The following AGBL1 variants were observed in gnomAD, a reference collection of about 807,000 sequenced individuals.
AGBL1 encodes AGBL carboxypeptidase 1.
AGBL1 carries 130 observed loss-of-function variants against 118.9 expected under a neutral mutation model. The observed-to-expected ratio is 1.09, with a 90% CI of 0.95 to 1.26. The LOEUF is 1.26. Among genes scored for constraint, AGBL1 ranks in the 50% most tolerant of loss-of-function variants. AGBL1 has a pLI of 0.00. For synonymous variants in AGBL1, 555 were observed against 478.9 expected (o/e 1.16, Z -2.08); for missense variants, 1,584 against 1,298.1 (o/e 1.22, Z -3.38).
At chr15:86,559,197 C>A (rs1383535996) in intron 21 of AGBL1, among the ~76,000 whole-genome samples, 2 of 152,128 alleles carry the variant, frequency 1.3e-5, no homozygotes, top group Non-Finnish European at 2.9e-5. Flanking sequence ...TCCAGGATGA[C>A]CTCATCTTAA....
intron 21 of AGBL1, among the ~76,000 whole-genome samples, chr15:86,573,060 A>G (rs1487373885): frequency 6.6e-6 from 1 of 152,222 alleles, no homozygotes; most frequent in Non-Finnish European, 1.5e-5. Context: ...GAAGCCAATA[A>G]TTAGAGGTTT....
At chr15:86,742,178 C>A (rs749431230) in intron 22 of AGBL1, among the ~76,000 whole-genome samples, 4 of 151,988 alleles carry the variant, frequency 2.6e-5, no homozygotes, top group Non-Finnish European at 5.9e-5. Flanking sequence ...GAAACGTGAC[C>A]CAGACTGCAA....
At chr15:87,012,498 G>C (rs1450385052) in intron 24 of AGBL1, among the ~76,000 whole-genome samples, 1 of 152,040 alleles carries the variant, frequency 6.6e-6, no homozygotes, top group Non-Finnish European at 1.5e-5. Context: ...CATTTTACTA[G>C]AAGGAAATTG....
chr15:86,904,521 A>C (rs2080254581), intron 22 of AGBL1, among the ~76,000 whole-genome samples: 1 of 149,718 alleles, frequency 6.7e-6, no homozygotes. Flanking sequence ...TGATTTTGAG[A>C]CTCCTAAATT....
chr15:86,241,255 G>C (rs764459612), intron 6 of AGBL1, among the ~76,000 whole-genome samples: 23 of 152,136 alleles, frequency 1.5e-4, no homozygotes, highest in Non-Finnish European at 2.8e-4. Flanking sequence ...TCTGCTCATT[G>C]GTGAAGGGTA....
At chr15:86,798,550 A>G (rs1016985328) in intron 22 of AGBL1, among the ~76,000 whole-genome samples, 2 of 152,022 alleles carry the variant, frequency 1.3e-5, no homozygotes, top group African/African-American at 2.4e-5. Context: ...CCACTATTCT[A>G]TAATAGCAAT....
chr15:86,876,637 C>G lies in AGBL1; in HGVS notation c.3159-30450C>G, dbSNP rs767608927. Reference sequence around the variant, plus strand: ...TGCAAAGAGTAGTAAGTATTTTTAGCTTTGTAGGCCATAGGCTCTGTCTTG... The same window carrying G: ...TGCAAAGAGTAGTAAGTATTTTTAGGTTTGTAGGCCATAGGCTCTGTCTTG... On this transcript the variant is annotated intron_variant, in intron 22 of 22. Transcript: ENST00000614907. Among the ~76,000 whole-genome samples, 91 of 152,284 alleles carry G rather than the reference C, an allele frequency of 6.0e-4. No individual in the cohort carries two copies. The Middle Eastern group carries it at 0.01, about 17-fold the overall frequency.
intron 22 of AGBL1, among the ~76,000 whole-genome samples, chr15:86,873,469 C>A (rs557874534): frequency 6.6e-6 from 1 of 152,272 alleles, no homozygotes; most frequent in South Asian, 2.1e-4. Context: ...TTCCCTGATA[C>A]AATCTGAAAG....
At chr15:86,238,536 T>C (rs1260539149) in intron 6 of AGBL1, among the ~76,000 whole-genome samples, 1 of 152,226 alleles carries the variant, frequency 6.6e-6, no homozygotes, top group Non-Finnish European at 1.5e-5. Flanking sequence ...ACTAGCAATA[T>C]TGAAAAATCA....
At chr15:86,616,507 C>T (rs1422106854) in intron 21 of AGBL1, among the ~76,000 whole-genome samples, 1 of 152,118 alleles carries the variant, frequency 6.6e-6, no homozygotes, top group Non-Finnish European at 1.5e-5. Context: ...GTAGAGGACA[C>T]TGTCTTCAAA....
At chr15:86,470,991 C>T (rs1434849572) in intron 18 of AGBL1, among the ~76,000 whole-genome samples, 2 of 152,100 alleles carry the variant, frequency 1.3e-5, no homozygotes, top group East Asian at 3.9e-4. Flanking sequence ...TTACTTATTC[C>T]TTTTCAATTT....
intron 5 of AGBL1, among the ~76,000 whole-genome samples, chr15:86,200,467 T>C (rs1349310547): frequency 2.6e-5 from 4 of 152,152 alleles, no homozygotes; most frequent in Non-Finnish European, 5.9e-5. Flanking sequence ...GCTGAGATGT[T>C]TCCCATGCTT....
intron 21 of AGBL1, among the ~76,000 whole-genome samples, chr15:86,636,410 A>G (rs2447283): frequency 0.41 from 61,876 of 151,406 alleles, 13,788 homozygotes; most frequent in Middle Eastern, 0.56. Context: ...GGACATTTTG[A>G]AACATTCCGA....
intron 20 of AGBL1, among the ~76,000 whole-genome samples, chr15:86,546,458 T>C (rs1228870846): frequency 6.6e-6 from 1 of 152,176 alleles, no homozygotes; most frequent in Non-Finnish European, 1.5e-5. Flanking sequence ...AACTGTGTGA[T>C]TATGAGGTCA....
At chr15:86,374,422 G>C (rs898288456) in intron 17 of AGBL1, among the ~76,000 whole-genome samples, 2 of 152,240 alleles carry the variant, frequency 1.3e-5, no homozygotes, top group Non-Finnish European at 2.9e-5. Flanking sequence ...ACCATATGAA[G>C]GAGATGATGA....
chr15:86,637,780 C>G (rs548781137), intron 21 of AGBL1, among the ~76,000 whole-genome samples: 39 of 152,252 alleles, frequency 2.6e-4, no homozygotes, highest in Non-Finnish European at 4.9e-4. Flanking sequence ...AGAGAAGGAA[C>G]ACACCAGACT....
chr15:87,006,884 A>G (rs2081510485), intron 24 of AGBL1, among the ~76,000 whole-genome samples: 1 of 152,180 alleles, frequency 6.6e-6, no homozygotes, highest in Non-Finnish European at 1.5e-5. Flanking sequence ...AGAAAAGTAA[A>G]GGATCTGACA....
intron 1 of AGBL1, 134 bp downstream of exon 1, chr15:86,080,157 G>A (rs770991483): frequency 1.8e-5 from 10 of 571,222 alleles, no homozygotes; most frequent in Non-Finnish European, 2.3e-5. Context: ...AACAGGAGTC[G>A]GCTCTCACCT....
intron 18 of AGBL1, among the ~76,000 whole-genome samples, chr15:86,403,016 G>A (rs557876886): frequency 6.6e-6 from 1 of 152,276 alleles, no homozygotes; most frequent in South Asian, 2.1e-4. Context: ...TCTTCCCAAG[G>A]TGGGGTAAAA....
Sources: allele counts gnomAD v4.1 joint callset (sites outside exome capture counted in the v4.1 genomes callset), GRCh38; gene constraint gnomAD v4.1.1; transcripts MANE v1.5; gene names NCBI Gene and HGNC (gene_info 2026-07-23, HGNC 2026-07-21).